The following CCDC91 variants were observed in gnomAD, a reference collection of about 807,000 sequenced individuals.
The protein encoded by CCDC91 is coiled-coil domain containing 91, also known as coiled-coil domain-containing protein 91.
Under a neutral mutation model 63.2 loss-of-function variants are expected in CCDC91, and 48 were observed. The observed-to-expected ratio is 0.76, with a 90% CI of 0.60 to 0.97. CCDC91 has a LOEUF of 0.97. CCDC91 is among the 50% of genes least tolerant of loss of function. The pLI, the probability that CCDC91 is intolerant of heterozygous loss-of-function variation, is 0.00. For missense variants in CCDC91, 500 were observed against 494.6 expected, an observed-to-expected ratio of 1.01 and a Z score of -0.10; for synonymous variants, 167 against 165.8, an observed-to-expected ratio of 1.01 and a Z score of -0.06.
chr12:28,439,984 G>T (rs1190643258), intron 8 of CCDC91, among the ~76,000 whole-genome samples: 2 of 149,598 alleles, frequency 1.3e-5, no homozygotes, highest in Admixed American at 1.3e-4. Flanking sequence ...AAAAAAAAAA[G>T]TCTACTAAAA....
intron 6 of CCDC91, among the ~76,000 whole-genome samples, chr12:28,346,973 G>A (rs1178617969): frequency 6.6e-6 from 1 of 152,108 alleles, no homozygotes. Context: ...ACAACACTTT[G>A]GAGACCCCAA....
intron 8 of CCDC91, among the ~76,000 whole-genome samples, chr12:28,441,736 C>T (rs1299091326): frequency 6.7e-6 from 1 of 148,488 alleles, no homozygotes; most frequent in Non-Finnish European, 1.5e-5. Flanking sequence ...TCATATATCT[C>T]ATATATATAT....
chr12:28,373,295 G>A (rs1046232648), intron 7 of CCDC91, among the ~76,000 whole-genome samples: 3 of 152,052 alleles, frequency 2.0e-5, no homozygotes, highest in African/African-American at 7.2e-5. Flanking sequence ...TGACTGTGAT[G>A]TTTCTAGGTG....
intron 12 of CCDC91, among the ~76,000 whole-genome samples, chr12:28,503,116 C>G (rs375250750): frequency 3.3e-5 from 5 of 151,998 alleles, no homozygotes; most frequent in Non-Finnish European, 5.9e-5. Flanking sequence ...TTCTGCACAG[C>G]AAAAGAAACT....
chr12:28,225,265 G>A (rs1944195290), intron 1 of CCDC91, among the ~76,000 whole-genome samples: 1 of 152,170 alleles, frequency 6.6e-6, no homozygotes, highest in Admixed American at 6.5e-5. Context: ...AAACAGTACT[G>A]ATAGTATCTG....
intron 12 of CCDC91, among the ~76,000 whole-genome samples, chr12:28,492,806 AGAT>A (rs1206742509): frequency 1.3e-5 from 2 of 151,648 alleles, no homozygotes; most frequent in Non-Finnish European, 3.0e-5. Flanking sequence ...ATTTAGGAAA[AGAT>A]GATGATAGTT....
intron 1 of CCDC91, among the ~76,000 whole-genome samples, chr12:28,230,895 G>A (rs1441294871): frequency 2.6e-5 from 4 of 152,168 alleles, no homozygotes; most frequent in African/African-American, 4.8e-5. Flanking sequence ...AAAGTGCTGG[G>A]ATTATAGGCA....
intron 3 of CCDC91, among the ~76,000 whole-genome samples, chr12:28,263,961 G>T (rs1293668803): frequency 1.3e-5 from 2 of 151,098 alleles, no homozygotes; most frequent in African/African-American, 4.9e-5. Flanking sequence ...AGAAATCTTA[G>T]CTAATTACTC....
At chr12:28,288,564 T>G (rs1463297009) in intron 3 of CCDC91, among the ~76,000 whole-genome samples, 3 of 151,982 alleles carry the variant, frequency 2.0e-5, no homozygotes, top group Non-Finnish European at 2.9e-5. Context: ...TGATTGTAGG[T>G]TTTTGATGTG....
In CCDC91 at chr12:28,345,503, T is replaced by C. The variant is rs74796535; in HGVS notation, c.577-16935T>C. ...ATATGGAAACTGAGACTTTTATAGC[T>C]ATTTATTCACTTACTATCTACACTT... On this transcript the variant is annotated intron_variant, in intron 6 of 12. Coordinates refer to ENST00000536442, the MANE Select transcript of CCDC91 (RefSeq NM_018318.5). 1.7e-3 allele frequency among the ~76,000 whole-genome samples: 260 copies of C among 152,228 alleles called. 11 individuals are homozygous for C. The East Asian group carries it at 0.046, about 27-fold the overall frequency.
At position 28,500,194 on chromosome 12, in the gene CCDC91, T is replaced by C. The variant is rs563450567; in HGVS notation, c.1215+16029T>C. On this transcript the variant is annotated intron_variant, in intron 12 of 12. Transcript: ENST00000536442. The stretch of plus-strand genomic sequence containing the variant: ...TTCGCCCACTTTTTGATGGGGTTTT[T>C]TTTTTTTCTTGTAAATTTGTTTAAG... Among the ~76,000 whole-genome samples the C allele has an allele frequency of 3.8e-3, 578 of 151,656 alleles. 3 individuals carry two copies. The highest frequency in any genetic ancestry group is 0.013 in the African/African-American group (551 of 41,406).
chr12:28,357,914 G>C (rs1228290615), intron 6 of CCDC91, among the ~76,000 whole-genome samples: 1 of 152,068 alleles, frequency 6.6e-6, no homozygotes, highest in Non-Finnish European at 1.5e-5. Flanking sequence ...GTCAAATTTG[G>C]CTTGACTCCT....
chr12:28,280,548 A>C (rs982203880), intron 3 of CCDC91, among the ~76,000 whole-genome samples: 4 of 152,120 alleles, frequency 2.6e-5, no homozygotes, highest in Non-Finnish European at 5.9e-5. Flanking sequence ...TTTATAGTCT[A>C]TATGTCTATA....
intron 1 of CCDC91, among the ~76,000 whole-genome samples, chr12:28,240,589 G>A (rs1187096405): frequency 1.3e-5 from 2 of 151,586 alleles, no homozygotes; most frequent in African/African-American, 2.4e-5. Flanking sequence ...CACGTTTAAA[G>A]TTTTTTTTAT....
intron 8 of CCDC91, among the ~76,000 whole-genome samples, chr12:28,400,682 A>G (rs758930662): frequency 6.6e-6 from 1 of 152,146 alleles, no homozygotes; most frequent in South Asian, 2.1e-4. Context: ...ACAGCACCCA[A>G]GTCACCACTT....
intron 3 of CCDC91, among the ~76,000 whole-genome samples, chr12:28,272,482 G>A (rs1013578564): frequency 4.1e-5 from 6 of 145,794 alleles, no homozygotes; most frequent in Admixed American, 1.4e-4. Flanking sequence ...TCTTTTTCAC[G>A]TTTTGGCTGT....
rs776709370 is a variant in CCDC91, at chr12:28,450,400, A to G, written c.906A>G (p.Ala302=). 54 of 1,611,686 alleles carry G rather than the reference A, an allele frequency of 3.4e-5. No homozygotes were observed. Among genetic ancestry groups the G allele is most frequent in the South Asian group, 1.9e-4 (17 of 91,026 alleles). Reference sequence around the variant, plus strand: ...AAGAAAGGCAAAGAAATAAAGAGGCATTAGTATCCGCTGCAAAGGTATTTC... The same window carrying G: ...AAGAAAGGCAAAGAAATAAAGAGGCGTTAGTATCCGCTGCAAAGGTATTTC... ...LEEERQRNKE[A]LVSAAKLEKE... Residue 302 remains alanine (A), a synonymous_variant, in exon 10 of 13, where the codon GCA becomes GCG. Coordinates refer to ENST00000536442, the MANE Select transcript of CCDC91 (RefSeq NM_018318.5).
At chr12:28,486,009 T>C (rs1342719004) in intron 12 of CCDC91, among the ~76,000 whole-genome samples, 2 of 152,178 alleles carry the variant, frequency 1.3e-5, no homozygotes, top group Non-Finnish European at 2.9e-5. Flanking sequence ...CATGAGTTCT[T>C]CCTCTTAAAA....
chr12:28,247,479 CA>C (rs71039885), intron 1 of CCDC91, among the ~76,000 whole-genome samples: 40,059 of 91,892 alleles, frequency 0.44, 5,221 homozygotes, highest in East Asian at 0.56. Context: ...GACTCCGTCT[CA>C]AAAAAAAAAA....
Sources: gnomAD v4.1 joint callset for allele counts (sites outside exome capture counted in the v4.1 genomes callset) on GRCh38, gnomAD v4.1.1 for gene constraint, MANE v1.5 for transcripts, NCBI Gene and HGNC (gene_info 2026-07-23, HGNC 2026-07-21) for gene names.